Variants in EIF3A observed in about 807,000 individuals in gnomAD.
EIF3A encodes EIF3, p180 subunit.
In EIF3A, 21 loss-of-function variants were observed where a neutral mutation model predicts 186.6. The ratio of observed to expected loss-of-function variants is 0.11; its 90% CI spans 0.08 to 0.16. The LOEUF is 0.16. Ranked by LOEUF, EIF3A falls within the 10% of genes least tolerant of loss-of-function variation. EIF3A has a pLI of 1.00. For missense variants in EIF3A, 1,306 were observed against 1,796.3 expected (o/e 0.73, Z 4.93); for synonymous variants, 563 against 584.3 (o/e 0.96, Z 0.52).
At chr10:119,050,465 A>C in intron 16 of EIF3A, 56 bp downstream of exon 16, 4 of 1,529,478 alleles carry the variant, frequency 2.6e-6, no homozygotes, top group Non-Finnish European at 3.6e-6. Context: ...ACTAAAAACT[A>C]GATCTTAACA....
At chr10:119,045,908 C>A (rs1286881363) in intron 17 of EIF3A, among the ~76,000 whole-genome samples, 2 of 152,130 alleles carry the variant, frequency 1.3e-5, no homozygotes, top group Non-Finnish European at 2.9e-5. Flanking sequence ...GATGAGCAAA[C>A]AAACTGAACC....
intron 11 of EIF3A, among the ~76,000 whole-genome samples, chr10:119,058,940 C>T (rs1316479312): frequency 1.3e-5 from 2 of 152,150 alleles, no homozygotes; most frequent in Non-Finnish European, 2.9e-5. Context: ...CTGTATTTCA[C>T]TATTTGAGGA....
In EIF3A at chr10:119,059,684, C is replaced by T. The variant is rs1340748038; in HGVS notation, c.1361G>A (p.Arg454His). The change falls in exon 10 of 22, where the codon CGT becomes CAT. Residue 454 changes from arginine (R) to histidine (H), a missense_variant. Coordinates refer to ENST00000369144, the MANE Select transcript of EIF3A (RefSeq NM_003750.4). ...SQIYQSIEFS[R>H]LTSLVPFVDA... Reference sequence around the variant, plus strand: ...AACAAAAGGAACCAAAGAAGTCAAACGAGAAAACTCAATGCTCTGATAAAT... The same window carrying T: ...AACAAAAGGAACCAAAGAAGTCAAATGAGAAAACTCAATGCTCTGATAAAT... 3.1e-6 allele frequency: 5 copies of T among 1,614,000 alleles called. No individual in the cohort carries two copies. The highest frequency in any genetic ancestry group is 4.2e-6 in the Non-Finnish European group (5 of 1,179,938).
chr10:119,036,026 A>T lies in EIF3A; in HGVS notation c.*13T>A. On this transcript the variant is annotated 3_prime_UTR_variant, in exon 22 of 22. Coordinates refer to ENST00000369144, the MANE Select transcript of EIF3A (RefSeq NM_003750.4). ...CTATTTAAGACACCAGTTTAAATCC[A>T]TTATCTTGAGACTTAACGTCGTACT... is the stretch of plus-strand genomic sequence containing the variant. 6.3e-7 allele frequency: 1 copy of T among 1,598,054 alleles called. No individual in the cohort carries two copies. Among genetic ancestry groups the T allele is most frequent in the African/African-American group, 1.3e-5 (1 of 74,682 alleles).
chr10:119,065,936 G>A lies in EIF3A; in HGVS notation c.951-366C>T, dbSNP rs1843968360. 3.3e-5 allele frequency among the ~76,000 whole-genome samples: 5 copies of A among 151,922 alleles called. No homozygotes were observed. The South Asian group carries it at 8.3e-4, about 25-fold the overall frequency. On this transcript the variant is annotated intron_variant, in intron 6 of 21. Transcript: ENST00000369144. The stretch of plus-strand genomic sequence containing the variant: ...TCGAGACCATCCTGGCTAACACGGT[G>A]AAACCCCATCTCTACTAAAAATACA...
At chr10:119,048,388 T>C (rs781545781) in intron 17 of EIF3A, among the ~76,000 whole-genome samples, 5 of 152,100 alleles carry the variant, frequency 3.3e-5, no homozygotes, top group Admixed American at 1.3e-4. Flanking sequence ...ACAAAGCAGA[T>C]ACCAGTAACA....
intron 6 of EIF3A, among the ~76,000 whole-genome samples, chr10:119,068,433 G>A (rs1844014249): frequency 6.6e-6 from 1 of 151,982 alleles, no homozygotes; most frequent in African/African-American, 2.4e-5. Flanking sequence ...CCAGCACTTT[G>A]GGAGGCCGAA....
Position 119,080,609 on chromosome 10 carries a change from G to A in EIF3A, c.49+19C>T, listed in dbSNP as rs1564764352. The A allele has an allele frequency of 6.4e-7, 1 of 1,574,140 alleles. No individual in the cohort carries two copies. Among genetic ancestry groups the A allele is most frequent in the Non-Finnish European group, 8.6e-7 (1 of 1,162,852 alleles). ...GCCTCGGGCCGCCCCAGCCCGGCGCGCCCCGATCAGCTACTCACCGTTGGC... is the reference window on the plus strand; with the variant it reads ...GCCTCGGGCCGCCCCAGCCCGGCGCACCCCGATCAGCTACTCACCGTTGGC... On this transcript the variant is annotated intron_variant, in intron 1 of 21. Coordinates refer to ENST00000369144, the MANE Select transcript of EIF3A (RefSeq NM_003750.4).
At chr10:119,080,545 G>A (rs1479177975) in intron 1 of EIF3A, 83 bp downstream of exon 1, 28 of 1,467,242 alleles carry the variant, frequency 1.9e-5, no homozygotes, top group Non-Finnish European at 2.5e-5. Context: ...GCCGGGCGGC[G>A]GAGCAGTGGG....
At chr10:119,073,647 A>G in intron 2 of EIF3A, 70 bp from the exon 3 acceptor site, 3 of 1,576,212 alleles carry the variant, frequency 1.9e-6, no homozygotes, top group Non-Finnish European at 2.6e-6. Context: ...TTAAAGGCAA[A>G]TTTTTAAGAG....
intron 7 of EIF3A, 132 bp downstream of exon 7, chr10:119,065,267 C>T: frequency 1.5e-6 from 1 of 663,178 alleles, no homozygotes. Context: ...GTGATTGACA[C>T]CAGTGCTTCC....
At position 119,034,017 on chromosome 10, in the gene EIF3A, T is replaced by G. The variant is rs562127934; in HGVS notation, c.*2022A>C. Reference sequence around the variant, plus strand: ...TGATGTCTCTACTACTGGATCTATCTGTATTAACAGCAATGTTACTCTCAA... The same window carrying G: ...TGATGTCTCTACTACTGGATCTATCGGTATTAACAGCAATGTTACTCTCAA... On this transcript the variant is annotated 3_prime_UTR_variant, in exon 22 of 22. Transcript: ENST00000369144. The G allele has an allele frequency of 4.8e-5, 8 of 167,232 alleles. No homozygotes were observed. In the South Asian group the frequency reaches 1.7e-3, roughly 35 times the overall value. 10.4% of individuals were successfully genotyped at this position (167,232 alleles called of 1,614,324 possible).
intron 7 of EIF3A, 22 bp from the exon 8 acceptor site, chr10:119,061,350 A>C (rs1354827571): frequency 1.8e-6 from 2 of 1,109,176 alleles, no homozygotes; most frequent in South Asian, 3.0e-5. Flanking sequence ...AAAACAAAAG[A>C]TGTAACTGCC....
chr10:119,047,654 G>GCA (rs1311726949), intron 17 of EIF3A, among the ~76,000 whole-genome samples: 1 of 152,064 alleles, frequency 6.6e-6, no homozygotes, highest in Non-Finnish European at 1.5e-5. Context: ...CTGATTTCAT[G>GCA]CACACACACA....
chr10:119,066,461 A>G (rs1211922313), intron 6 of EIF3A, among the ~76,000 whole-genome samples: 4 of 135,760 alleles, frequency 2.9e-5, no homozygotes, highest in African/African-American at 8.0e-5. Context: ...GTGAGCCAAG[A>G]TTATGCCACT....
rs748028122 is a variant in EIF3A at position 119,042,603 on chromosome 10, C to G, written c.2917G>C (p.Glu973Gln). ...CCACGACGAGAGAACCTATCTTCCTCAGGACCACGTCTAGGGCCTCTGTCA... is the reference window on the plus strand; with the variant it reads ...CCACGACGAGAGAACCTATCTTCCTGAGGACCACGTCTAGGGCCTCTGTCA... ...DDDRGPRRGP[E>Q]EDRFSRRGAD... The change falls in exon 19 of 22, where the codon GAG becomes CAG. Residue 973 changes from glutamate to glutamine, a missense_variant. By Grantham distance (29) the Glu-to-Gln change is conservative. Transcript: ENST00000369144. The surrounding 1 kb of genome is among the most constrained non-coding windows in gnomAD (Gnocchi z 7.8). The G allele has an allele frequency of 5.0e-6, 8 of 1,614,206 alleles. No homozygotes were observed. The East Asian group carries it at 1.8e-4, about 36-fold the overall frequency.
At chr10:119,063,892 A>G (rs1410695040) in intron 7 of EIF3A, among the ~76,000 whole-genome samples, 1 of 152,210 alleles carries the variant, frequency 6.6e-6, no homozygotes, top group African/African-American at 2.4e-5. Flanking sequence ...CGACCAGCCT[A>G]GCCAACGTGG....
intron 6 of EIF3A, among the ~76,000 whole-genome samples, chr10:119,066,765 C>T (rs879899476): frequency 1.3e-5 from 2 of 151,930 alleles, no homozygotes; most frequent in Non-Finnish European, 2.9e-5. Flanking sequence ...AGACTGTGAC[C>T]GTAGGCAAGA....
chr10:119,056,968 G>A lies in EIF3A; in HGVS notation c.2050C>T (p.Leu684Phe). ...TCTTGATTCTTTAGGCGTTCTTGAA[G>A]TTCTTTCTTTTCTTTCTCCAGTTGT... ...VEQLEKEKKE[L>F]QERLKNQEKK... The change falls in exon 13 of 22, where the codon CTT becomes TTT. Residue 684 changes from leucine (L) to phenylalanine (F), a missense_variant. By Grantham distance (22) the Leu-to-Phe change is conservative. Coordinates refer to ENST00000369144, the MANE Select transcript of EIF3A (RefSeq NM_003750.4). 2 of 1,613,016 alleles carry A rather than the reference G, an allele frequency of 1.2e-6. No individual in the cohort carries two copies. Among genetic ancestry groups the A allele is most frequent in the Non-Finnish European group, 1.7e-6 (2 of 1,179,454 alleles).
Sources: gnomAD v4.1 joint callset for allele counts (sites outside exome capture counted in the v4.1 genomes callset) on GRCh38, gnomAD v4.1.1 for gene constraint, Gnocchi (gnomAD v3.1) non-coding constraint, MANE v1.5 for transcripts, NCBI Gene and HGNC (gene_info 2026-07-23, HGNC 2026-07-21) for gene names.